The following POU6F2 variants were observed in gnomAD, a reference collection of about 807,000 sequenced individuals.
The protein encoded by POU6F2 is POU class 6 homeobox 2.
In POU6F2, 31 loss-of-function variants were observed where a neutral mutation model predicts 71.3. The ratio of observed to expected loss-of-function variants is 0.43; its 90% CI spans 0.33 to 0.59. The LOEUF (loss-of-function observed/expected upper bound fraction) is 0.59. Ranked by LOEUF, POU6F2 falls within the 20% of genes least tolerant of loss-of-function variation. The pLI, the probability that POU6F2 is intolerant of heterozygous loss-of-function variation, is 0.04. For missense variants in POU6F2, 783 were observed against 856.8 expected, an observed-to-expected ratio of 0.91 and a Z score of 1.07; for synonymous variants, 347 against 355.7, an observed-to-expected ratio of 0.98 and a Z score of 0.27.
intron 1 of POU6F2, among the ~76,000 whole-genome samples, chr7:38,989,810 T>C (rs1269443033): frequency 7.3e-6 from 1 of 136,956 alleles, no homozygotes; most frequent in Non-Finnish European, 1.6e-5. Flanking sequence ...TTTGTGTGTG[T>C]GTGTGTGTGT....
intron 4 of POU6F2, among the ~76,000 whole-genome samples, chr7:39,321,087 C>T (rs988372136): frequency 1.3e-4 from 14 of 110,122 alleles, no homozygotes; most frequent in African/African-American, 4.3e-4. Flanking sequence ...TCTTCTATAA[C>T]ATAGTACTAT....
intron 5 of POU6F2, among the ~76,000 whole-genome samples, chr7:39,392,196 C>CT (rs994912375): frequency 6.6e-6 from 1 of 152,166 alleles, no homozygotes; most frequent in African/African-American, 2.4e-5. Context: ...ATATCGTAGA[C>CT]TTTTATCATT....
chr7:39,018,938 T>G (rs1003168266), intron 1 of POU6F2, among the ~76,000 whole-genome samples: 6 of 152,282 alleles, frequency 3.9e-5, no homozygotes, highest in African/African-American at 1.4e-4. Context: ...ACACTCCTTC[T>G]GATTTCCCTG....
At chr7:39,004,516 T>C (rs1036987983) in intron 1 of POU6F2, among the ~76,000 whole-genome samples, 1 of 152,224 alleles carries the variant, frequency 6.6e-6, no homozygotes, top group Non-Finnish European at 1.5e-5. Flanking sequence ...CTCAATTGTT[T>C]AGGCATCTTT....
intron 4 of POU6F2, among the ~76,000 whole-genome samples, chr7:39,222,910 G>A (rs761074448): frequency 6.6e-6 from 1 of 152,208 alleles, no homozygotes; most frequent in Non-Finnish European, 1.5e-5. Context: ...TATATACCCA[G>A]AAGAGGAATG....
intron 5 of POU6F2, among the ~76,000 whole-genome samples, chr7:39,389,155 C>T (rs1443024294): frequency 2.0e-5 from 3 of 152,068 alleles, no homozygotes; most frequent in African/African-American, 4.8e-5. Flanking sequence ...AGCAAGCCCC[C>T]GTGCCATTTT....
intron 2 of POU6F2, among the ~76,000 whole-genome samples, chr7:39,173,093 A>T (rs1294208195): frequency 6.6e-6 from 1 of 152,202 alleles, no homozygotes; most frequent in Non-Finnish European, 1.5e-5. Flanking sequence ...TACCCAAAAG[A>T]TTATCATTTC....
chr7:39,149,335 A>G (rs1299908119), intron 2 of POU6F2, among the ~76,000 whole-genome samples: 1 of 152,234 alleles, frequency 6.6e-6, no homozygotes, highest in African/African-American at 2.4e-5. Context: ...AAATCTCATC[A>G]GAATACTTCT....
chr7:39,334,159 A>G (rs1007198624), intron 4 of POU6F2, among the ~76,000 whole-genome samples: 3 of 152,228 alleles, frequency 2.0e-5, no homozygotes, highest in Non-Finnish European at 2.9e-5. Flanking sequence ...AAGCAAAAAG[A>G]CAGATTAAGG....
chr7:39,276,850 A>G (rs903568107), intron 4 of POU6F2, among the ~76,000 whole-genome samples: 1 of 150,614 alleles, frequency 6.6e-6, no homozygotes, highest in African/African-American at 2.4e-5. Flanking sequence ...GGAATTGAAC[A>G]ATGAGAACAC....
chr7:39,087,365 T>C (rs956514107), intron 2 of POU6F2, among the ~76,000 whole-genome samples: 2 of 152,064 alleles, frequency 1.3e-5, no homozygotes, highest in East Asian at 1.9e-4. Flanking sequence ...TACTGTTTTA[T>C]GCTTAACAAT....
At chr7:39,295,054 G>A (rs976634431) in intron 4 of POU6F2, among the ~76,000 whole-genome samples, 9 of 151,838 alleles carry the variant, frequency 5.9e-5, no homozygotes, top group African/African-American at 1.7e-4. Flanking sequence ...CTCATTTTTC[G>A]GTCATGCCAT....
At chr7:39,049,559 G>C (rs929229473) in intron 1 of POU6F2, among the ~76,000 whole-genome samples, 14 of 151,892 alleles carry the variant, frequency 9.2e-5, no homozygotes, top group Non-Finnish European at 1.0e-4. Context: ...ATTTATTGAG[G>C]CTTGCTTTAT....
At chr7:39,027,443 A>C (rs1014116402) in intron 1 of POU6F2, among the ~76,000 whole-genome samples, 3 of 152,068 alleles carry the variant, frequency 2.0e-5, no homozygotes, top group Non-Finnish European at 4.4e-5. Context: ...GCTTTTAAAA[A>C]CCTGTGTCCA....
chr7:39,022,573 A>G (rs1789701635), intron 1 of POU6F2, among the ~76,000 whole-genome samples: 1 of 152,112 alleles, frequency 6.6e-6, no homozygotes, highest in South Asian at 2.1e-4. Flanking sequence ...ATCATAATTT[A>G]TATTTTCCTG....
intron 1 of POU6F2, among the ~76,000 whole-genome samples, chr7:39,027,378 A>C (rs938565246): frequency 3.0e-4 from 46 of 152,168 alleles, no homozygotes; most frequent in African/African-American, 1.1e-3. Context: ...CGGTGCTTCT[A>C]TAATGCAAAT....
chr7:39,198,233 A>G (rs1793825024), intron 2 of POU6F2, among the ~76,000 whole-genome samples: 1 of 152,242 alleles, frequency 6.6e-6, no homozygotes, highest in African/African-American at 2.4e-5. Context: ...AAAAGTCATT[A>G]AAGTCTTCTA....
intron 1 of POU6F2, among the ~76,000 whole-genome samples, chr7:39,041,171 C>A (rs1008022943): frequency 8.6e-5 from 13 of 151,952 alleles, no homozygotes; most frequent in African/African-American, 2.7e-4. Context: ...TGTTCCAAGT[C>A]AGTACATATA....
At chr7:39,395,186 A>G (rs1268884343) in intron 5 of POU6F2, among the ~76,000 whole-genome samples, 1 of 152,158 alleles carries the variant, frequency 6.6e-6, no homozygotes. Context: ...ACAAGTCCAT[A>G]AAATAATATA....
Sources: allele counts gnomAD v4.1 joint callset (sites outside exome capture counted in the v4.1 genomes callset), GRCh38; gene constraint gnomAD v4.1.1; transcripts MANE v1.5; gene names NCBI Gene and HGNC (gene_info 2026-07-23, HGNC 2026-07-21).